The following MED13L variants were observed in gnomAD, a reference collection of about 807,000 sequenced individuals.
The protein encoded by MED13L is mediator complex subunit 13L.
MED13L carries 7 observed loss-of-function variants against 220.9 expected under a neutral mutation model. The ratio of observed to expected loss-of-function variants is 0.03; its 90% CI spans 0.02 to 0.06. The LOEUF (loss-of-function observed/expected upper bound fraction) is 0.06. Ranked by LOEUF, MED13L falls within the 10% of genes least tolerant of loss-of-function variation. The probability of loss-of-function intolerance (pLI) is 1.00; values close to 1 mark genes in which losing one functional copy is unlikely to be tolerated. For missense variants in MED13L, 1,965 were observed against 2,760.5 expected (o/e 0.71, Z 6.46); for synonymous variants, 1,011 against 1,015.2 (o/e 1.00, Z 0.08).
chr12:116,256,935 A>G (rs999166434), intron 1 of MED13L, among the ~76,000 whole-genome samples: 2 of 152,178 alleles, frequency 1.3e-5, no homozygotes, highest in Non-Finnish European at 2.9e-5. Flanking sequence ...TCGGCCTCCC[A>G]AAGTGCTGGG....
At chr12:116,181,023 C>T (rs896556033) in intron 2 of MED13L, among the ~76,000 whole-genome samples, 1 of 151,210 alleles carries the variant, frequency 6.6e-6, no homozygotes, top group African/African-American at 2.4e-5. Context: ...CTCTGCCTCC[C>T]AGGTTTAAGC....
chr12:116,277,028 CACA>C, intron 1 of MED13L, 29 bp downstream of exon 1: 34 of 1,322,390 alleles, frequency 2.6e-5, no homozygotes, highest in Non-Finnish European at 3.3e-5. Flanking sequence ...CCTTCCCCGG[CACA>C]GCCCCCTCCC....
chr12:116,051,287 A>T (rs754076847), intron 4 of MED13L, among the ~76,000 whole-genome samples: 4 of 152,142 alleles, frequency 2.6e-5, no homozygotes, highest in Non-Finnish European at 5.9e-5. Flanking sequence ...TGGATGACAG[A>T]GCGAGACTCT....
chr12:115,961,489 G>A, intron 30 of MED13L, 91 bp from the exon 31 acceptor site: 2 of 1,543,294 alleles, frequency 1.3e-6, no homozygotes, highest in Admixed American at 3.5e-5. Flanking sequence ...TTAGCAGGAA[G>A]GAGGTCTCAA....
At chr12:115,990,319 T>C (rs1314356899) in intron 17 of MED13L, among the ~76,000 whole-genome samples, 1 of 152,232 alleles carries the variant, frequency 6.6e-6, no homozygotes, top group Non-Finnish European at 1.5e-5. Flanking sequence ...GTTGTAATAA[T>C]ATGCGTGCTT....
intron 4 of MED13L, among the ~76,000 whole-genome samples, chr12:116,087,167 C>T (rs1871765389): frequency 6.6e-6 from 1 of 152,132 alleles, no homozygotes; most frequent in Non-Finnish European, 1.5e-5. Flanking sequence ...AGTTTCACTA[C>T]TAATAGCAAA....
rs948548287 is a variant in MED13L, at chr12:115,980,764, G to A, written c.5350C>T (p.Leu1784Phe). 1 of 1,614,070 alleles carries A rather than the reference G, an allele frequency of 6.2e-7. No homozygotes were observed. The highest frequency in any genetic ancestry group is 8.5e-7 in the Non-Finnish European group (1 of 1,180,020). The part of the protein sequence containing the change: ...FGPAASIEMT[L>F]KNPERPSPIQ... The stretch of plus-strand genomic sequence containing the variant: ...CCAATACCTACCTCAGGGTTCTTGA[G>A]GGTCATCTCAATGCTGGCTGCAGGC... Residue 1784 changes from leucine (L) to phenylalanine (F), a missense_variant, in exon 23 of 31, where the codon CTC (leucine) becomes TTC (phenylalanine). Coordinates refer to ENST00000281928, the MANE Select transcript of MED13L (RefSeq NM_015335.5).
At chr12:116,125,949 A>T (rs183095889) in intron 2 of MED13L, among the ~76,000 whole-genome samples, 1 of 152,230 alleles carries the variant, frequency 6.6e-6, no homozygotes, top group African/African-American at 2.4e-5. Flanking sequence ...CTCAACTTTT[A>T]AAAGACAGAA....
At chr12:116,224,035 G>A (rs1005742224) in intron 2 of MED13L, among the ~76,000 whole-genome samples, 6 of 152,172 alleles carry the variant, frequency 3.9e-5, no homozygotes, top group Admixed American at 6.5e-5. Context: ...CTGCCAAAGC[G>A]AGCACATGTA....
chr12:116,020,665 T>C (rs1290568180), intron 5 of MED13L, among the ~76,000 whole-genome samples: 1 of 152,332 alleles, frequency 6.6e-6, no homozygotes, highest in East Asian at 1.9e-4. Flanking sequence ...CCCAAAGTCC[T>C]CTATCTTCTT....
chr12:116,117,265 G>A (rs912858904), intron 2 of MED13L, among the ~76,000 whole-genome samples: 2 of 152,068 alleles, frequency 1.3e-5, no homozygotes, highest in Non-Finnish European at 2.9e-5. Flanking sequence ...CTTCTCAATG[G>A]TTTCCAGGGA....
intron 2 of MED13L, among the ~76,000 whole-genome samples, chr12:116,136,255 A>G (rs1876542339): frequency 6.6e-6 from 1 of 152,116 alleles, no homozygotes; most frequent in African/African-American, 2.4e-5. Context: ...AGGAAACTGA[A>G]CTAAGTGCTA....
chr12:116,099,459 T>C (rs560741895), intron 3 of MED13L, among the ~76,000 whole-genome samples: 1 of 152,278 alleles, frequency 6.6e-6, no homozygotes, highest in Non-Finnish European at 1.5e-5. Flanking sequence ...GTAACACACA[T>C]CCTCACTTAG....
chr12:116,178,317 T>G (rs928849089), intron 2 of MED13L, among the ~76,000 whole-genome samples: 11 of 152,158 alleles, frequency 7.2e-5, no homozygotes, highest in African/African-American at 2.4e-4. Flanking sequence ...TTTGCAGAAA[T>G]CTGTTTGTAC....
At chr12:116,034,178 T>C (rs1160010964) in intron 4 of MED13L, among the ~76,000 whole-genome samples, 2 of 152,176 alleles carry the variant, frequency 1.3e-5, no homozygotes, top group African/African-American at 4.8e-5. Flanking sequence ...ACTTCGATTT[T>C]TATAAGTTTA....
intron 2 of MED13L, among the ~76,000 whole-genome samples, chr12:116,120,475 T>TCTCA (rs1555213316): frequency 6.5e-5 from 6 of 91,750 alleles, no homozygotes; most frequent in African/African-American, 2.6e-4. Flanking sequence ...TCTCTCTCTC[T>TCTCA]CTCACACACA....
chr12:116,000,610 C>G (rs1878679465), intron 14 of MED13L, among the ~76,000 whole-genome samples: 1 of 152,212 alleles, frequency 6.6e-6, no homozygotes, highest in South Asian at 2.1e-4. Flanking sequence ...CAAAATCCAA[C>G]TCTTTCCTTT....
intron 2 of MED13L, among the ~76,000 whole-genome samples, chr12:116,234,867 T>C (rs1004147109): frequency 1.3e-5 from 2 of 151,968 alleles, no homozygotes; most frequent in African/African-American, 4.8e-5. Context: ...TTCACCATAT[T>C]GGTCAGGCTG....
At chr12:116,031,632 GGGA>G (rs1207146278) in intron 4 of MED13L, among the ~76,000 whole-genome samples, 4 of 124,556 alleles carry the variant, frequency 3.2e-5, no homozygotes, top group East Asian at 4.6e-4. Flanking sequence ...GGGAGGGGAG[GGGA>G]GGGGAGGGGG....
Sources: gnomAD v4.1 joint callset for allele counts (sites outside exome capture counted in the v4.1 genomes callset) on GRCh38, gnomAD v4.1.1 for gene constraint, MANE v1.5 for transcripts, NCBI Gene and HGNC (gene_info 2026-07-23, HGNC 2026-07-21) for gene names.